The following DMD variants were observed in gnomAD, a reference collection of about 807,000 sequenced individuals.
DMD encodes mutant dystrophin.
DMD carries 63 observed loss-of-function variants against 330.1 expected under a neutral mutation model. The observed-to-expected ratio is 0.19, with a 90% CI of 0.16 to 0.24. DMD has a LOEUF of 0.24. Ranked by LOEUF, DMD falls within the 10% of genes least tolerant of loss-of-function variation. The probability of loss-of-function intolerance (pLI) is 1.00; values close to 1 mark genes in which losing one functional copy is unlikely to be tolerated. For synonymous variants in DMD, 1,223 were observed against 959.8 expected, an observed-to-expected ratio of 1.27 and a Z score of -5.07; for missense variants, 3,344 against 2,684.1, an observed-to-expected ratio of 1.25 and a Z score of -5.43.
chrX:32,528,518 C>T (rs1248202033), intron 17 of DMD, among the ~76,000 whole-genome samples: 1 of 111,548 alleles, frequency 9.0e-6, no homozygotes, highest in Non-Finnish European at 1.9e-5. Flanking sequence ...AAATAAAAGG[C>T]TAACTCCCCC....
At chrX:32,329,683 T>C (rs1475204254) in intron 41 of DMD, among the ~76,000 whole-genome samples, 1 of 112,617 alleles carries the variant, frequency 8.9e-6, no homozygotes, top group Non-Finnish European at 1.9e-5. Context: ...GATGGAGTTA[T>C]ATGTTATAGA....
At chrX:31,783,080 A>G (rs772559827) in intron 50 of DMD, among the ~76,000 whole-genome samples, 1 of 111,876 alleles carries the variant, frequency 8.9e-6, no homozygotes, top group African/African-American at 3.2e-5. Context: ...GTGGTCATCA[A>G]TTGCAAAACT....
chrX:32,699,033 A>ATATAACTTATATG, intron 8 of DMD, 79 bp downstream of exon 8: 1 of 824,950 alleles, frequency 1.2e-6, no homozygotes, highest in East Asian at 3.2e-5. Flanking sequence ...TAAGTTATAT[A>ATATAACTTATATG]TATATGTGCA....
At chrX:32,176,114 C>T (rs1219881308) in intron 44 of DMD, among the ~76,000 whole-genome samples, 1 of 112,191 alleles carries the variant, frequency 8.9e-6, no homozygotes, top group Non-Finnish European at 1.9e-5. Flanking sequence ...TACATCATTA[C>T]ATGGCTGACT....
chrX:32,465,489 G>A (rs181060830), intron 23 of DMD, among the ~76,000 whole-genome samples: 129 of 108,691 alleles, frequency 1.2e-3, no homozygotes, highest in African/African-American at 4.2e-3. Context: ...ACTTCAAGAC[G>A]ATCACCTTGC....
intron 6 of DMD, 32 bp downstream of exon 6, chrX:32,816,436 C>T (rs767371261): frequency 1.7e-6 from 2 of 1,205,075 alleles, no homozygotes; most frequent in Non-Finnish European, 2.2e-6. Flanking sequence ...ACCACTTTTA[C>T]AAGTTATTTA....
chrX:32,759,583 A>AATAAG (rs1372553191), intron 7 of DMD, among the ~76,000 whole-genome samples: 1 of 111,463 alleles, frequency 9.0e-6, no homozygotes, highest in East Asian at 2.8e-4. Context: ...TCTCTATGGC[A>AATAAG]ATAAGGCTAT....
chrX:32,219,655 C>T (rs1297441380), intron 43 of DMD, among the ~76,000 whole-genome samples: 2 of 111,605 alleles, frequency 1.8e-5, no homozygotes, highest in African/African-American at 3.3e-5. Context: ...CGACTTACCA[C>T]TCCACCTTTG....
chrX:32,155,912 A>C (rs1033837214), intron 44 of DMD, among the ~76,000 whole-genome samples: 1 of 110,126 alleles, frequency 9.1e-6, no homozygotes, highest in Non-Finnish European at 1.9e-5. Flanking sequence ...AAAAAATGCA[A>C]GGTTTGCTGA....
chrX:31,981,432 T>C (rs1030234852), intron 44 of DMD, among the ~76,000 whole-genome samples: 1 of 111,320 alleles, frequency 9.0e-6, no homozygotes, highest in Non-Finnish European at 1.9e-5. Flanking sequence ...TAATAGAGTA[T>C]GAACATGGGA....
intron 7 of DMD, among the ~76,000 whole-genome samples, chrX:32,744,017 A>G (rs1296636057): frequency 9.0e-6 from 1 of 111,093 alleles, no homozygotes; most frequent in East Asian, 2.8e-4. Flanking sequence ...ATTTAGCTAG[A>G]CTATTTACCC....
chrX:32,638,602 T>C (rs1252992893), intron 11 of DMD, among the ~76,000 whole-genome samples: 1 of 111,985 alleles, frequency 8.9e-6, no homozygotes, highest in Non-Finnish European at 1.9e-5. Flanking sequence ...TGCTTAACAT[T>C]ACTGGAAGAA....
At chrX:32,264,981 A>G (rs1464280803) in intron 43 of DMD, among the ~76,000 whole-genome samples, 3 of 112,679 alleles carry the variant, frequency 2.7e-5, no homozygotes, top group Non-Finnish European at 5.6e-5. Flanking sequence ...GCAATAGAAA[A>G]GAAAAACTCA....
intron 60 of DMD, among the ~76,000 whole-genome samples, chrX:31,434,421 CACACACA>C (rs2064339544): frequency 7.8e-5 from 1 of 12,833 alleles, no homozygotes; most frequent in East Asian, 1.7e-3. Context: ...CGCGCGCGCA[CACACACA>C]CACACACACA....
At chrX:33,301,132 C>T (rs929068265) in intron 1 of DMD, among the ~76,000 whole-genome samples, 4 of 111,317 alleles carry the variant, frequency 3.6e-5, no homozygotes, top group Non-Finnish European at 5.7e-5. Context: ...ATCACCAGGA[C>T]CCTGACACCA....
At chrX:31,341,376 T>A (rs2148435700) in intron 61 of DMD, among the ~76,000 whole-genome samples, 1 of 111,782 alleles carries the variant, frequency 8.9e-6, no homozygotes, top group East Asian at 2.8e-4. Context: ...AATATGTTAC[T>A]ATTATCCCTA....
intron 60 of DMD, among the ~76,000 whole-genome samples, chrX:31,381,591 C>T (rs1437837176): frequency 1.8e-5 from 2 of 111,461 alleles, no homozygotes; most frequent in African/African-American, 6.5e-5. Context: ...CCTGATACCA[C>T]GCCTGACCCC....
At chrX:31,216,411 C>G (rs1330331280) in intron 64 of DMD, among the ~76,000 whole-genome samples, 2 of 112,558 alleles carry the variant, frequency 1.8e-5, no homozygotes, top group Non-Finnish European at 3.8e-5. Context: ...TGAGACCTCT[C>G]TTGGGCACTA....
chrX:32,274,557 A>G (rs2097378024), intron 43 of DMD, among the ~76,000 whole-genome samples: 1 of 112,414 alleles, frequency 8.9e-6, no homozygotes, highest in Non-Finnish European at 1.9e-5. Context: ...TATGCAGAAG[A>G]TAAGCTGATG....
Sources: gnomAD v4.1 joint callset for allele counts (sites outside exome capture counted in the v4.1 genomes callset) on GRCh38, gnomAD v4.1.1 for gene constraint, MANE v1.5 for transcripts, NCBI Gene and HGNC (gene_info 2026-07-23, HGNC 2026-07-21) for gene names.